Variants in HEATR3 observed in about 807,000 individuals in gnomAD.
The protein encoded by HEATR3 is HEAT repeat-containing protein 3.
HEATR3 carries 56 observed loss-of-function variants against 72.8 expected under a neutral mutation model. The observed-to-expected ratio is 0.77, with a 90% CI of 0.62 to 0.96. The LOEUF (loss-of-function observed/expected upper bound fraction) is 0.96, where lower values mean the gene tolerates loss of function less well. Among genes scored for constraint, HEATR3 ranks in the 40% least tolerant of loss-of-function variants. The pLI is 0.00. For synonymous variants in HEATR3, 331 were observed against 318.1 expected (o/e 1.04, Z -0.43); for missense variants, 747 against 831.4 (o/e 0.90, Z 1.25).
chr16:50,085,844 A>G (rs991880913), intron 10 of HEATR3, among the ~76,000 whole-genome samples: 2 of 152,074 alleles, frequency 1.3e-5, no homozygotes, highest in Non-Finnish European at 2.9e-5. Context: ...AGCCTGGGCA[A>G]CATAGCAAGA....
rs1006906994 is a variant in HEATR3, at chr16:50,105,137, A to G, written c.*76A>G. On this transcript the variant is annotated 3_prime_UTR_variant, in exon 15 of 15. Transcript: ENST00000299192. ...ATACTAAAAGGTTTTCTTTGAATGT[A>G]TATGTTTCTGAAAGTCATTTTTTAA... 3.4e-6 allele frequency: 5 copies of G among 1,461,102 alleles called. No homozygotes were observed. The highest frequency in any genetic ancestry group is 2.9e-5 in the African/African-American group (2 of 70,134). 90.5% of individuals were successfully genotyped at this position (1,461,102 alleles called of 1,614,324 possible). A position where few individuals can be genotyped will look rare whatever the true frequency, so the allele number is the denominator to read the frequency against.
rs997309119 is a variant in HEATR3 at position 50,107,113 on chromosome 16, A to G, written c.*2052A>G. On this transcript the variant is annotated 3_prime_UTR_variant, in exon 15 of 15. Transcript: ENST00000299192. ...TCTCTGCCTCAATTATTTATAAAATATAATTATTTTCAAGGAGAAAAAAGT... is the reference window on the plus strand; with the variant it reads ...TCTCTGCCTCAATTATTTATAAAATGTAATTATTTTCAAGGAGAAAAAAGT... 1.3e-5 allele frequency among the ~76,000 whole-genome samples: 2 copies of G among 152,230 alleles called. No individual in the cohort carries two copies. Among genetic ancestry groups the G allele is most frequent in the African/African-American group, 4.8e-5 (2 of 41,464 alleles).
chr16:50,078,826 T>G lies in HEATR3; in HGVS notation c.849T>G (p.Val283=). 2.5e-6 allele frequency: 4 copies of G among 1,614,094 alleles called. No individual in the cohort carries two copies. The highest frequency in any genetic ancestry group is 3.4e-6 in the Non-Finnish European group (4 of 1,180,004). ...INALLKILSE[V]LGMDAGEMVI... is the part of the protein sequence containing the mutation. ...CCTTACTAAAGATCTTATCTGAAGT[T>G]TTGGGAATGGATGCTGGTGAAATGG... The change falls in exon 7 of 15, where the codon GTT becomes GTG. Residue 283 remains valine (V), a synonymous_variant. Coordinates refer to ENST00000299192, the MANE Select transcript of HEATR3 (RefSeq NM_182922.4).
chr16:50,082,639 G>C (rs1164223146), intron 7 of HEATR3, among the ~76,000 whole-genome samples: 1 of 150,784 alleles, frequency 6.6e-6, no homozygotes, highest in South Asian at 2.1e-4. Flanking sequence ...GAAGCCACTG[G>C]GGCTGGACAT....
rs576204049 is a variant in HEATR3 at position 50,076,872 on chromosome 16, T to C, written c.763+1161T>C. On this transcript the variant is annotated intron_variant, in intron 6 of 14. Transcript: ENST00000299192. ...CCACCACCACACCTGGCTATTTTTT[T>C]TTTTTTTTTTTTTGGAGACTGAGTC... Among the ~76,000 whole-genome samples the C allele has an allele frequency of 4.5e-4, 66 of 147,574 alleles. No individual in the cohort carries two copies. In the South Asian group the frequency reaches 0.015, roughly 33 times the overall value.
chr16:50,070,232 A>C lies in HEATR3; in HGVS notation c.454A>C (p.Asn152His), dbSNP rs1470439954. ...GTCTCTGCAGGAGAAAAAAGATCAG[A>C]ACAGAAATTCTATTGAGAACATAGC... ...EMSLQEKKDQ[N>H]RNSIENIANE... The change falls in exon 4 of 15, where the codon AAC (asparagine) becomes CAC (histidine). Residue 152 changes from asparagine to histidine, a missense_variant. Physicochemically the swap from Asn to His is moderately conservative, Grantham distance 68. Coordinates refer to ENST00000299192, the MANE Select transcript of HEATR3 (RefSeq NM_182922.4). The C allele has an allele frequency of 3.1e-6, 5 of 1,610,986 alleles. No homozygotes were observed. Among genetic ancestry groups the C allele is most frequent in the Non-Finnish European group, 4.2e-6 (5 of 1,178,136 alleles).
Position 50,078,842 on chromosome 16 carries a change from G to A in HEATR3, c.865G>A (p.Gly289Ser). 6.2e-7 allele frequency: 1 copy of A among 1,614,068 alleles called. No homozygotes were observed. The highest frequency in any genetic ancestry group is 8.5e-7 in the Non-Finnish European group (1 of 1,180,010). ...ILSEVLGMDA[G>S]EMVIQMKEAE... ...ATCTGAAGTTTTGGGAATGGATGCT[G>A]GTGAAATGGTTATTCAAATGAAAGA... The change falls in exon 7 of 15, where the codon GGT (glycine) becomes AGT (serine). Residue 289 changes from glycine (G) to serine (S), a missense_variant. Transcript: ENST00000299192.
intron 10 of HEATR3, among the ~76,000 whole-genome samples, chr16:50,085,908 A>T (rs537046236): frequency 6.6e-6 from 1 of 152,086 alleles, no homozygotes; most frequent in South Asian, 2.1e-4. Flanking sequence ...ATGCACATGT[A>T]ATCCTGCTCC....
At chr16:50,099,022 A>G (rs1386400373) in intron 12 of HEATR3, among the ~76,000 whole-genome samples, 1 of 151,612 alleles carries the variant, frequency 6.6e-6, no homozygotes, top group African/African-American at 2.4e-5. Flanking sequence ...TTTAATAGAG[A>G]TGAGGTCTTG....
chr16:50,102,944 G>T (rs992806197), intron 14 of HEATR3, among the ~76,000 whole-genome samples: 1 of 151,872 alleles, frequency 6.6e-6, no homozygotes, highest in Non-Finnish European at 1.5e-5. Flanking sequence ...TGTATTTTTA[G>T]TAGAAACGGG....
intron 7 of HEATR3, 98 bp downstream of exon 7, chr16:50,079,116 A>T: frequency 1.6e-6 from 2 of 1,223,340 alleles, no homozygotes; most frequent in Non-Finnish European, 2.3e-6. Flanking sequence ...TAGCAAAATT[A>T]GCTATAAAGT....
At chr16:50,068,920 C>CT in intron 3 of HEATR3, 53 bp downstream of exon 3, 3 of 1,313,272 alleles carry the variant, frequency 2.3e-6, no homozygotes, top group Non-Finnish European at 3.3e-6. Context: ...CAAACTTAGA[C>CT]TTTTTTTAGT....
chr16:50,076,591 G>A (rs1249733971), intron 6 of HEATR3, among the ~76,000 whole-genome samples: 2 of 152,120 alleles, frequency 1.3e-5, no homozygotes, highest in Non-Finnish European at 2.9e-5. Flanking sequence ...AGGCAGGAGT[G>A]CTGTGGTGCA....
rs563486895 is a variant in HEATR3, at chr16:50,070,164, A to T, written c.400-14A>T. On this transcript the variant is annotated splice_polypyrimidine_tract_variant and intron_variant, in intron 3 of 14. Transcript: ENST00000299192. The stretch of plus-strand genomic sequence containing the variant: ...CTTAGGAACCAGGGTGCTAATCATG[A>T]TATTTGGTTACAGTGTAGTGCTGGA... 43 of 1,358,150 alleles carry T rather than the reference A, an allele frequency of 3.2e-5. No individual in the cohort carries two copies. In the South Asian group the frequency reaches 5.3e-4, roughly 17 times the overall value. The allele number at this position is 1,358,150 out of a possible 1,614,324, so 84.1% of individuals were successfully genotyped here.
At position 50,066,002 on chromosome 16, in the gene HEATR3, C is replaced by T; in HGVS notation, c.-130C>T. The T allele has an allele frequency of 3.0e-6, 2 of 655,862 alleles. No homozygotes were observed. Among genetic ancestry groups the T allele is most frequent in the Non-Finnish European group, 4.3e-6 (2 of 470,460 alleles). 40.6% of individuals were successfully genotyped at this position (655,862 alleles called of 1,614,324 possible). Reference sequence around the variant, plus strand: ...GCGCCGTGCGCCTGCGCACGGCTTGCCCATGTGTGCTGCAGCCGTCAGCCG... The same window carrying T: ...GCGCCGTGCGCCTGCGCACGGCTTGTCCATGTGTGCTGCAGCCGTCAGCCG... On this transcript the variant is annotated 5_prime_UTR_variant, in exon 1 of 15. Coordinates refer to ENST00000299192, the MANE Select transcript of HEATR3 (RefSeq NM_182922.4).
At chr16:50,080,570 C>A (rs1038320489) in intron 7 of HEATR3, among the ~76,000 whole-genome samples, 66 of 152,178 alleles carry the variant, frequency 4.3e-4, no homozygotes, top group African/African-American at 1.5e-3. Context: ...AAACTCCCGA[C>A]CTCAGGTGTC....
At chr16:50,092,436 C>CTTTTTTT (rs375532097) in intron 11 of HEATR3, among the ~76,000 whole-genome samples, 13,964 of 105,682 alleles carry the variant, frequency 0.13, 1,766 homozygotes, top group African/African-American at 0.3. Flanking sequence ...TTTCTTTTTT[C>CTTTTTTT]TTTTTTTTTT....
chr16:50,067,013 C>T (rs2036512881), intron 2 of HEATR3, among the ~76,000 whole-genome samples: 1 of 152,072 alleles, frequency 6.6e-6, no homozygotes, highest in Admixed American at 6.6e-5. Context: ...GTGAGAATTG[C>T]TGTGGGAAAA....
chr16:50,102,160 G>A lies in HEATR3; in HGVS notation c.1744-99G>A, dbSNP rs2037380816. 5.4e-6 allele frequency: 5 copies of A among 922,186 alleles called. No individual in the cohort carries two copies. The South Asian group carries it at 5.5e-5, about 10-fold the overall frequency. 57.1% of individuals were successfully genotyped at this position (922,186 alleles called of 1,614,324 possible). A position where few individuals can be genotyped will look rare whatever the true frequency, so the allele number is the denominator to read the frequency against. On this transcript the variant is annotated intron_variant, in intron 13 of 14. Transcript: ENST00000299192. ...AAGTTTTAATTTTTCCCTGGCATTT[G>A]TATATAAAATAGTATGCATGAGTTA...
Sources: allele counts gnomAD v4.1 joint callset (sites outside exome capture counted in the v4.1 genomes callset), GRCh38; gene constraint gnomAD v4.1.1; transcripts MANE v1.5; gene names NCBI Gene and HGNC (gene_info 2026-07-23, HGNC 2026-07-21).